SLC2A9: variants seen among roughly 807,000 people sequenced by gnomAD.
SLC2A9 encodes solute carrier family 2 member 9.
In SLC2A9, 39 loss-of-function variants were observed where a neutral mutation model predicts 50.6. The observed-to-expected ratio is 0.77, with a 90% confidence interval of 0.60 to 1.01. The LOEUF is 1.01. SLC2A9 is among the 50% of genes least tolerant of loss of function. The probability of loss-of-function intolerance (pLI) is 0.00; values close to 1 mark genes in which losing one functional copy is unlikely to be tolerated. For synonymous variants in SLC2A9, 324 were observed against 276.9 expected (o/e 1.17, Z -1.69); for missense variants, 686 against 677.6 (o/e 1.01, Z -0.14).
chr4:9,810,853 C>T (rs1722789942), intron 3 of SLC2A9, among the ~76,000 whole-genome samples: 1 of 152,202 alleles, frequency 6.6e-6, no homozygotes, highest in Non-Finnish European at 1.5e-5. Context: ...GTGGGCAATG[C>T]CCTTTGACAC....
intron 5 of SLC2A9, among the ~76,000 whole-genome samples, chr4:9,958,136 A>G (rs2108902499): frequency 6.6e-6 from 1 of 152,354 alleles, no homozygotes; most frequent in Middle Eastern, 3.4e-3. Flanking sequence ...CAAAATTCTG[A>G]GGAAAATTAT....
chr4:9,793,096 A>C (rs2108891826), intron 3 of SLC2A9, among the ~76,000 whole-genome samples: 1 of 152,314 alleles, frequency 6.6e-6, no homozygotes, highest in South Asian at 2.1e-4. Flanking sequence ...TTTTAATGAA[A>C]GACCCTTTGA....
intron 3 of SLC2A9, among the ~76,000 whole-genome samples, chr4:9,811,882 C>T (rs1722940298): frequency 6.6e-6 from 1 of 151,950 alleles, no homozygotes; most frequent in Non-Finnish European, 1.5e-5. Context: ...TAAAACCAAG[C>T]AGAGAAAAGC....
chr4:9,872,981 G>C (rs1733700453), intron 10 of SLC2A9, among the ~76,000 whole-genome samples: 1 of 152,354 alleles, frequency 6.6e-6, no homozygotes, highest in Non-Finnish European at 1.5e-5. Flanking sequence ...CTAACAGCTA[G>C]AGGGGTGGAC....
chr4:9,925,082 TC>T (rs1744658652), intron 6 of SLC2A9, among the ~76,000 whole-genome samples: 1 of 151,570 alleles, frequency 6.6e-6, no homozygotes, highest in Admixed American at 6.6e-5. Context: ...ATCTGGAGGC[TC>T]CCCCCATCTC....
chr4:9,866,114 T>A (rs1253276911), intron 10 of SLC2A9, among the ~76,000 whole-genome samples: 1 of 152,190 alleles, frequency 6.6e-6, no homozygotes, highest in African/African-American at 2.4e-5. Flanking sequence ...GACTGCAATA[T>A]GCAGGGCCCG....
At chr4:9,887,750 C>A in intron 9 of SLC2A9, 108 bp from the exon 10 acceptor site, 1 of 787,104 alleles carries the variant, frequency 1.3e-6, no homozygotes, top group South Asian at 3.0e-5. Context: ...TTGGACAGGT[C>A]ACTTGATGTC....
intron 3 of SLC2A9, among the ~76,000 whole-genome samples, chr4:9,780,217 C>G (rs573281095): frequency 6.6e-6 from 1 of 152,132 alleles, no homozygotes; most frequent in Admixed American, 6.5e-5. Context: ...TCACTGCCTG[C>G]TGGGAAGACA....
Position 9,936,354 on chromosome 4 carries a change from C to T in SLC2A9, c.814+5559G>A, listed in dbSNP as rs1747077253. 2.0e-5 allele frequency among the ~76,000 whole-genome samples: 3 copies of T among 152,204 alleles called. 1 individual carries two copies. Among genetic ancestry groups the T allele is most frequent in the Admixed American group, 2.0e-4 (3 of 15,280 alleles). On this transcript the variant is annotated intron_variant, in intron 6 of 11. Coordinates refer to ENST00000264784, the MANE Select transcript of SLC2A9 (RefSeq NM_020041.3). ...AGCCTTTGAGATAACGGGCAGCTTT[C>T]CTGAGTCACACAGCTGTGGTATGGG...
At chr4:9,819,025 G>C (rs567353070) in intron 3 of SLC2A9, among the ~76,000 whole-genome samples, 4 of 150,404 alleles carry the variant, frequency 2.7e-5, no homozygotes, top group African/African-American at 9.9e-5. Flanking sequence ...GGGAGACTGA[G>C]GCAGAATGGC....
intron 2 of SLC2A9, among the ~76,000 whole-genome samples, chr4:10,014,364 G>A (rs1316243024): frequency 6.6e-6 from 1 of 152,236 alleles, no homozygotes; most frequent in Non-Finnish European, 1.5e-5. Flanking sequence ...AGGATTCTGA[G>A]CTGGGATTCT....
At chr4:9,940,326 C>G (rs1317473473) in intron 6 of SLC2A9, among the ~76,000 whole-genome samples, 1 of 152,200 alleles carries the variant, frequency 6.6e-6, no homozygotes, top group African/African-American at 2.4e-5. Context: ...TGGGAAGTCA[C>G]CCGGTACAAT....
chr4:9,980,699 T>A lies in SLC2A9; in HGVS notation c.574A>T (p.Ile192Phe). 6.2e-7 allele frequency: 1 copy of A among 1,614,110 alleles called. No homozygotes were observed. The highest frequency in any genetic ancestry group is 1.3e-5 in the African/African-American group (1 of 75,022). The change falls in exon 5 of 12, where the codon ATC becomes TTC. Residue 192 changes from isoleucine (I) to phenylalanine (F), a missense_variant. By Grantham distance (21) the Ile-to-Phe change is conservative (BLOSUM62 0). Coordinates refer to ENST00000264784, the MANE Select transcript of SLC2A9 (RefSeq NM_020041.3). ...GAGCCACGGATCTCCTTGGGTGAGATCTCACTAAGGTACATGGGGAGCACA... is the reference window on the plus strand; with the variant it reads ...GAGCCACGGATCTCCTTGGGTGAGAACTCACTAAGGTACATGGGGAGCACA... ...LSVLPMYLSE[I>F]SPKEIRGSLG... is the part of the protein sequence containing the mutation.
intron 3 of SLC2A9, among the ~76,000 whole-genome samples, chr4:9,806,242 C>T (rs945592876): frequency 3.9e-5 from 6 of 152,324 alleles, no homozygotes; most frequent in South Asian, 2.1e-4. Flanking sequence ...TGAAAGTTGT[C>T]GGTTTACCGG....
intron 11 of SLC2A9, among the ~76,000 whole-genome samples, chr4:9,828,239 C>T (rs999364229): frequency 2.0e-5 from 3 of 152,162 alleles, no homozygotes; most frequent in Admixed American, 6.5e-5. Context: ...AAATGTATTC[C>T]AAATCTGAGG....
intron 10 of SLC2A9, among the ~76,000 whole-genome samples, chr4:9,852,066 TGAACATCCCCAAGATA>T (rs1203131583): frequency 6.6e-6 from 1 of 152,044 alleles, no homozygotes; most frequent in Non-Finnish European, 1.5e-5. Context: ...CTATATAAGA[TGAACATCCCCAAGATA>T]CATAGTCCGT....
chr4:9,905,163 T>G (rs922073489), intron 8 of SLC2A9, among the ~76,000 whole-genome samples: 1 of 152,256 alleles, frequency 6.6e-6, no homozygotes, highest in Admixed American at 6.5e-5. Flanking sequence ...GTGGAATGGA[T>G]GAATGCATGC....
intron 5 of SLC2A9, among the ~76,000 whole-genome samples, chr4:9,946,411 C>T (rs1462415368): frequency 6.6e-6 from 1 of 152,128 alleles, no homozygotes; most frequent in Non-Finnish European, 1.5e-5. Context: ...TACTCTTACC[C>T]CAAGTCAAGT....
At chr4:9,781,069 G>T (rs1297319119) in intron 3 of SLC2A9, among the ~76,000 whole-genome samples, 1 of 152,100 alleles carries the variant, frequency 6.6e-6, no homozygotes, top group African/African-American at 2.4e-5. Flanking sequence ...CAGCCTCAGG[G>T]TGTTGAGAGA....
Sources: allele counts gnomAD v4.1 joint callset (sites outside exome capture counted in the v4.1 genomes callset), GRCh38; gene constraint gnomAD v4.1.1; transcripts MANE v1.5; gene names NCBI Gene and HGNC (gene_info 2026-07-23, HGNC 2026-07-21).